The following PLXNA4 variants were observed in gnomAD, a reference collection of about 807,000 sequenced individuals.
PLXNA4 encodes plexin A4.
Under a neutral mutation model 191.8 loss-of-function variants are expected in PLXNA4, and 44 were observed. The ratio of observed to expected loss-of-function variants is 0.23; its 90% confidence interval spans 0.18 to 0.29. The LOEUF (loss-of-function observed/expected upper bound fraction) is 0.29. Ranked by LOEUF, PLXNA4 falls within the 10% of genes least tolerant of loss-of-function variation. PLXNA4 has a pLI of 1.00. For missense variants in PLXNA4, 1,800 were observed against 2,488.8 expected (o/e 0.72, Z 5.89); for synonymous variants, 1,082 against 1,009.5 (o/e 1.07, Z -1.36).
intron 1 of PLXNA4, among the ~76,000 whole-genome samples, chr7:132,546,568 G>T (rs563216067): frequency 6.6e-6 from 1 of 152,190 alleles, no homozygotes; most frequent in Non-Finnish European, 1.5e-5. Context: ...GGAACAGAAG[G>T]GGGCAGGTGC....
At chr7:132,326,941 G>A (rs1329542040) in intron 3 of PLXNA4, among the ~76,000 whole-genome samples, 1 of 149,318 alleles carries the variant, frequency 6.7e-6, no homozygotes, top group Non-Finnish European at 1.5e-5. Context: ...AGGGAAGAAA[G>A]GGAGAGAGGG....
rs1796650279 is a variant in PLXNA4 at position 132,179,925 on chromosome 7, G to A, written c.3640-4C>T. On this transcript the variant is annotated splice_region_variant and splice_polypyrimidine_tract_variant and intron_variant, in intron 19 of 31. Coordinates refer to ENST00000321063, the MANE Select transcript of PLXNA4 (RefSeq NM_020911.2). ...ACTCCATGCCACCGACACGGGCCTG[G>A]GGGCACACAGGGCAAGAGGGAGCTG... 3 of 1,601,812 alleles carry A rather than the reference G, an allele frequency of 1.9e-6. No individual in the cohort carries two copies. Among genetic ancestry groups the A allele is most frequent in the African/African-American group, 1.3e-5 (1 of 74,736 alleles).
At chr7:132,221,865 GT>G (rs1265983910) in intron 9 of PLXNA4, among the ~76,000 whole-genome samples, 2 of 151,982 alleles carry the variant, frequency 1.3e-5, no homozygotes, top group African/African-American at 2.4e-5. Flanking sequence ...TCTTTTTTCT[GT>G]CTGAAACTTG....
At chr7:132,152,202 C>T (rs78662199) in intron 25 of PLXNA4, among the ~76,000 whole-genome samples, 9 of 152,300 alleles carry the variant, frequency 5.9e-5, no homozygotes, top group East Asian at 3.9e-4. Flanking sequence ...CAAAGACCAT[C>T]GCAGGTGGCT....
At chr7:132,483,018 G>A (rs114080567) in intron 3 of PLXNA4, among the ~76,000 whole-genome samples, 1,664 of 152,140 alleles carry the variant, frequency 0.011, 40 homozygotes, top group African/African-American at 0.038. Context: ...AAGTCACCAT[G>A]GATGCTTCTA....
At chr7:132,198,689 T>C in intron 12 of PLXNA4, 53 bp from the exon 13 acceptor site, 1 of 1,599,090 alleles carries the variant, frequency 6.3e-7, no homozygotes, top group East Asian at 2.2e-5. Flanking sequence ...TGCCACTCAC[T>C]TGCTGATGAG....
intron 9 of PLXNA4, among the ~76,000 whole-genome samples, chr7:132,220,471 C>G (rs572601941): frequency 6.6e-6 from 1 of 152,306 alleles, no homozygotes; most frequent in East Asian, 1.9e-4. Context: ...ATAAGGGAGG[C>G]ATGGGCGATT....
rs1484041825 is a variant in PLXNA4 at position 132,260,264 on chromosome 7, C to A, written c.1504-19098G>T. On this transcript the variant is annotated intron_variant, in intron 4 of 31. Coordinates refer to ENST00000321063, the MANE Select transcript of PLXNA4 (RefSeq NM_020911.2). ...AAGACATGGAGTCAACCTGGATGCC[C>A]ATCAATGGAAGACTGGATAAAGAAA... Among the ~76,000 whole-genome samples, 9 of 152,256 alleles carry A rather than the reference C, an allele frequency of 5.9e-5. No individual in the cohort carries two copies. In the East Asian group the frequency reaches 1.7e-3, roughly 29 times the overall value.
intron 3 of PLXNA4, among the ~76,000 whole-genome samples, chr7:132,350,602 A>AT (rs1396873010): frequency 6.6e-6 from 1 of 152,200 alleles, no homozygotes; most frequent in Non-Finnish European, 1.5e-5. Flanking sequence ...GCCATTTCCC[A>AT]CCCGCTGGGA....
intron 5 of PLXNA4, among the ~76,000 whole-genome samples, chr7:132,235,897 C>A (rs1297708137): frequency 6.6e-6 from 1 of 152,104 alleles, no homozygotes; most frequent in East Asian, 1.9e-4. Flanking sequence ...TACCTTCACC[C>A]AAGTCAGAAT....
intron 3 of PLXNA4, among the ~76,000 whole-genome samples, chr7:132,347,764 C>G (rs536386733): frequency 6.6e-6 from 1 of 152,276 alleles, no homozygotes; most frequent in African/African-American, 2.4e-5. Context: ...CAGATCTACG[C>G]CTATGCTTTC....
intron 11 of PLXNA4, 129 bp downstream of exon 11, chr7:132,203,194 C>G: frequency 2.5e-6 from 2 of 802,180 alleles, no homozygotes; most frequent in Non-Finnish European, 4.1e-6. Flanking sequence ...GAAGGAGGGG[C>G]TCAGAGGGAG....
In PLXNA4 at chr7:132,250,360, G is replaced by A. The variant is rs368331173; in HGVS notation, c.1504-9194C>T. 7.2e-4 allele frequency among the ~76,000 whole-genome samples: 109 copies of A among 152,298 alleles called. 1 individual carries two copies. In the South Asian group the frequency reaches 0.021, roughly 30 times the overall value. ...AAAGTGAATGAATGCTTGCATGCAC[G>A]CATAAATAAATAAGTGAATGAATGA... is the stretch of plus-strand genomic sequence containing the variant. On this transcript the variant is annotated intron_variant, in intron 4 of 31. Coordinates refer to ENST00000321063, the MANE Select transcript of PLXNA4 (RefSeq NM_020911.2).
chr7:132,146,738 C>A, intron 27 of PLXNA4, 38 bp from the exon 28 acceptor site: 4 of 1,609,908 alleles, frequency 2.5e-6, no homozygotes, highest in Non-Finnish European at 3.4e-6. Context: ...ATATGTGAGG[C>A]CACACAGCCT....
intron 3 of PLXNA4, among the ~76,000 whole-genome samples, chr7:132,320,969 G>A (rs745713215): frequency 6.6e-5 from 10 of 152,244 alleles, no homozygotes; most frequent in South Asian, 2.1e-4. Flanking sequence ...TGACTATGTC[G>A]TTTGTTGCCC....
chr7:132,139,016 A>G (rs1015122357), intron 30 of PLXNA4, among the ~76,000 whole-genome samples: 12 of 152,196 alleles, frequency 7.9e-5, no homozygotes, highest in Non-Finnish European at 2.9e-5. Flanking sequence ...GGCTGTCCAC[A>G]TGGGAGGGGC....
Position 132,362,381 on chromosome 7 carries a change from TG to T in PLXNA4, c.1372-64160del, listed in dbSNP as rs568831141. ...TGGGAATTGGTGTAACTAGCCCCCT[TG>T]CTCTCCAAAGAGGAACACACGCTTT... On this transcript the variant is annotated intron_variant, in intron 3 of 31. Transcript: ENST00000321063. Among the ~76,000 whole-genome samples the T allele has an allele frequency of 1.5e-3, 221 of 152,340 alleles. 2 individuals carry two copies. Among genetic ancestry groups the T allele is most frequent in the Admixed American group, 3.1e-3 (48 of 15,304 alleles).
At chr7:132,264,926 G>A (rs561740867) in intron 4 of PLXNA4, among the ~76,000 whole-genome samples, 1 of 152,184 alleles carries the variant, frequency 6.6e-6, no homozygotes, top group Non-Finnish European at 1.5e-5. Flanking sequence ...TCAGATTCCT[G>A]ACCTCAAGTG....
chr7:132,481,659 G>A (rs1164781184), intron 3 of PLXNA4, among the ~76,000 whole-genome samples: 2 of 152,174 alleles, frequency 1.3e-5, no homozygotes, highest in African/African-American at 4.8e-5. Context: ...CAAACACTAA[G>A]GAAACGACCC....
Sources: allele counts gnomAD v4.1 joint callset (sites outside exome capture counted in the v4.1 genomes callset), GRCh38; gene constraint gnomAD v4.1.1; transcripts MANE v1.5; gene names NCBI Gene and HGNC (gene_info 2026-07-23, HGNC 2026-07-21).